Variants in CNTLN observed in about 807,000 individuals in gnomAD.
The protein encoded by CNTLN is centlein.
A neutral mutation model predicts 180.0 loss-of-function variants in CNTLN; 212 were observed. The observed-to-expected ratio is 1.18, with a 90% CI of 1.05 to 1.32. The LOEUF (loss-of-function observed/expected upper bound fraction) is 1.32. Among genes scored for constraint, CNTLN ranks in the 40% most tolerant of loss-of-function variants. The pLI is 0.00. For missense variants in CNTLN, 2,095 were observed against 1,610.9 expected (o/e 1.30, Z -5.14); for synonymous variants, 722 against 563.1 (o/e 1.28, Z -3.99).
intron 5 of CNTLN, among the ~76,000 whole-genome samples, chr9:17,262,780 T>C (rs1191429823): frequency 2.0e-5 from 3 of 151,340 alleles, no homozygotes; most frequent in Non-Finnish European, 4.4e-5. Flanking sequence ...TCTGTATTTT[T>C]CCAGTTCTTA....
At chr9:17,162,411 G>C (rs1003154946) in intron 2 of CNTLN, among the ~76,000 whole-genome samples, 1 of 152,222 alleles carries the variant, frequency 6.6e-6, no homozygotes, top group African/African-American at 2.4e-5. Flanking sequence ...ACCGCACCCA[G>C]CCTCGTCTTG....
At chr9:17,199,873 T>G (rs565753726) in intron 2 of CNTLN, among the ~76,000 whole-genome samples, 1 of 152,352 alleles carries the variant, frequency 6.6e-6, no homozygotes, top group South Asian at 2.1e-4. Flanking sequence ...TTGACTTTTG[T>G]TGCAATTGCT....
intron 5 of CNTLN, among the ~76,000 whole-genome samples, chr9:17,262,041 G>C (rs1372497456): frequency 1.3e-5 from 2 of 151,540 alleles, no homozygotes; most frequent in African/African-American, 2.4e-5. Flanking sequence ...TCTCACGCCA[G>C]TTAGAACAGC....
At chr9:17,278,624 C>G (rs1828468184) in intron 6 of CNTLN, among the ~76,000 whole-genome samples, 1 of 152,072 alleles carries the variant, frequency 6.6e-6, no homozygotes, top group East Asian at 1.9e-4. Context: ...TATAGTTTTA[C>G]TGTACAGCTT....
At position 17,287,597 on chromosome 9, in the gene CNTLN, T is replaced by G. The variant is rs2132648765; in HGVS notation, c.984-10593T>G. Among the ~76,000 whole-genome samples, 3 of 149,542 alleles carry G rather than the reference T, an allele frequency of 2.0e-5. No individual in the cohort carries two copies. The South Asian group carries it at 6.4e-4, about 32-fold the overall frequency. ...AGAAGGAATGGTACCAGTTCCTCCT[T>G]GTACCTCTGGTAGAATTCAGCTGTG... On this transcript the variant is annotated intron_variant, in intron 6 of 25. Coordinates refer to ENST00000380647, the MANE Select transcript of CNTLN (RefSeq NM_017738.4).
In CNTLN at chr9:17,395,119, A is replaced by G. The variant is rs1190470031; in HGVS notation, c.2615+50A>G. On this transcript the variant is annotated intron_variant, in intron 15 of 25. Transcript: ENST00000380647. Reference sequence around the variant, plus strand: ...TGTGGTGGGGACACTGCGCATATGTAAAGCACTAGCAAATGGAGATTGAAT... The same window carrying G: ...TGTGGTGGGGACACTGCGCATATGTGAAGCACTAGCAAATGGAGATTGAAT... 2.0e-6 allele frequency: 3 copies of G among 1,522,140 alleles called. No individual in the cohort carries two copies. The East Asian group carries it at 6.8e-5, about 35-fold the overall frequency. The allele number at this position is 1,522,140 out of a possible 1,614,324, so 94.3% of individuals were successfully genotyped here.
chr9:17,327,151 T>TA (rs1820349150), intron 8 of CNTLN, among the ~76,000 whole-genome samples: 1 of 150,916 alleles, frequency 6.6e-6, no homozygotes, highest in South Asian at 2.1e-4. Context: ...AAAACTGTTG[T>TA]AAAAAATAAA....
Position 17,263,149 on chromosome 9 carries a change from G to A in CNTLN, c.850-10584G>A, listed in dbSNP as rs980492923. ...GTTGGTGTGCTGCACCCATTAAGTC[G>A]TCATTTAGCATTAGGTATATCTCCT... On this transcript the variant is annotated intron_variant, in intron 5 of 25. Coordinates refer to ENST00000380647, the MANE Select transcript of CNTLN (RefSeq NM_017738.4). Among the ~76,000 whole-genome samples the A allele has an allele frequency of 9.7e-4, 143 of 146,954 alleles. 1 individual carries two copies. Among genetic ancestry groups the A allele is most frequent in the Non-Finnish European group, 9.0e-4 (60 of 66,446 alleles).
intron 2 of CNTLN, among the ~76,000 whole-genome samples, chr9:17,202,646 G>GTTTTTTTGTTTTTT (rs1554656178): frequency 1.4e-5 from 1 of 71,478 alleles, no homozygotes; most frequent in African/African-American, 5.3e-5. Context: ...TGCAACCTCT[G>GTTTTTTTGTTTTTT]TTTTTTTTTT....
chr9:17,485,264 G>T (rs144136340), intron 24 of CNTLN, among the ~76,000 whole-genome samples: 27 of 152,082 alleles, frequency 1.8e-4, no homozygotes, highest in Admixed American at 1.1e-3. Flanking sequence ...GATAGACTTG[G>T]GTGTCTGTAT....
intron 25 of CNTLN, among the ~76,000 whole-genome samples, chr9:17,496,703 C>T (rs1362079501): frequency 6.6e-6 from 1 of 152,168 alleles, no homozygotes; most frequent in Non-Finnish European, 1.5e-5. Context: ...TCCTATTGAG[C>T]CCCCAAATTC....
At chr9:17,246,374 C>G (rs1044101308) in intron 5 of CNTLN, among the ~76,000 whole-genome samples, 1 of 152,124 alleles carries the variant, frequency 6.6e-6, no homozygotes, top group Non-Finnish European at 1.5e-5. Flanking sequence ...GACTCTTGTT[C>G]TCTTCCCTTA....
At chr9:17,421,527 C>G (rs1216355120) in intron 18 of CNTLN, among the ~76,000 whole-genome samples, 4 of 151,978 alleles carry the variant, frequency 2.6e-5, no homozygotes, top group Non-Finnish European at 5.9e-5. Flanking sequence ...CATTCAGCTA[C>G]TATGTATCTT....
chr9:17,409,611 A>G (rs1827684599), intron 16 of CNTLN, 138 bp downstream of exon 16: 1 of 601,712 alleles, frequency 1.7e-6, no homozygotes, highest in Non-Finnish European at 2.7e-6. Flanking sequence ...CAGTGAAAAT[A>G]TTCACTTTTA....
chr9:17,219,774 A>G (rs1404064912), intron 2 of CNTLN, among the ~76,000 whole-genome samples: 3 of 152,068 alleles, frequency 2.0e-5, no homozygotes, highest in African/African-American at 4.8e-5. Context: ...AATAACAAAC[A>G]TTTATTCTCA....
intron 2 of CNTLN, among the ~76,000 whole-genome samples, chr9:17,172,210 T>A (rs1239695958): frequency 6.6e-6 from 1 of 152,102 alleles, no homozygotes; most frequent in African/African-American, 2.4e-5. Context: ...TTTGTACCTA[T>A]GAACACTAAG....
At chr9:17,520,900 C>A in the CNTLN span, among the ~76,000 whole-genome samples, 2 of 152,146 alleles carry the variant, frequency 1.3e-5, no homozygotes, top group African/African-American at 4.8e-5. Context: ...TTTTGAGTAG[C>A]CTATTTTGTC....
intron 6 of CNTLN, among the ~76,000 whole-genome samples, chr9:17,283,909 G>T (rs1481278917): frequency 6.6e-6 from 1 of 152,174 alleles, no homozygotes; most frequent in African/African-American, 2.4e-5. Flanking sequence ...ATTGATTTGT[G>T]TATGTTGAAC....
rs755405267 is a variant in CNTLN, at chr9:17,236,576, T to C, written c.837T>C (p.Asp279=). Residue 279 remains aspartate, a synonymous_variant, in exon 5 of 26, where the codon GAT becomes GAC. Transcript: ENST00000380647. ...TGAGAAAAGAAAAATATAGCACTGA[T>C]GCAAAAATAAAGGTATACAATAGGA... is the stretch of plus-strand genomic sequence containing the variant. ...AHLRKEKYST[D]AKIKTFEDNL... is the part of the protein sequence containing the mutation. 4 of 1,606,218 alleles carry C rather than the reference T, an allele frequency of 2.5e-6. No individual in the cohort carries two copies. Among genetic ancestry groups the C allele is most frequent in the Non-Finnish European group, 3.4e-6 (4 of 1,177,476 alleles).
Sources: allele counts gnomAD v4.1 joint callset (sites outside exome capture counted in the v4.1 genomes callset), GRCh38; gene constraint gnomAD v4.1.1; transcripts MANE v1.5; gene names NCBI Gene and HGNC (gene_info 2026-07-23, HGNC 2026-07-21).